The following FAM193A variants were observed in gnomAD, a reference collection of about 807,000 sequenced individuals.
The protein encoded by FAM193A is family with sequence similarity 193 member A.
In FAM193A, 22 loss-of-function variants were observed where a neutral mutation model predicts 126.5. The observed-to-expected ratio is 0.17, with a 90% CI of 0.12 to 0.25. FAM193A has a LOEUF of 0.25. FAM193A is among the 10% of genes least tolerant of loss of function. The probability of loss-of-function intolerance (pLI) is 1.00; values close to 1 mark genes in which losing one functional copy is unlikely to be tolerated. For synonymous variants in FAM193A, 761 were observed against 646.8 expected (o/e 1.18, Z -2.68); for missense variants, 1,675 against 1,672.8 (o/e 1.00, Z -0.02).
chr4:2,630,124 T>A (rs1421447619), intron 4 of FAM193A, among the ~76,000 whole-genome samples: 1 of 144,370 alleles, frequency 6.9e-6, no homozygotes, highest in Non-Finnish European at 1.5e-5. Context: ...AGAGTGAGAC[T>A]CCATCTCAAA....
chr4:2,621,656 G>A (rs1742552623), intron 2 of FAM193A, among the ~76,000 whole-genome samples: 1 of 152,194 alleles, frequency 6.6e-6, no homozygotes, highest in Non-Finnish European at 1.5e-5. Context: ...CAGTGCAGCT[G>A]TGCAGGCAAG....
rs1025181406 is a variant in FAM193A, at chr4:2,657,827, A to G, written c.1336A>G (p.Met446Val). The G allele has an allele frequency of 8.1e-6, 13 of 1,612,650 alleles. No individual in the cohort carries two copies. The African/African-American group carries it at 1.3e-4, about 17-fold the overall frequency. Residue 446 changes from methionine to valine, a missense_variant, in exon 8 of 21, where the codon ATG (methionine) becomes GTG (valine). Coordinates refer to ENST00000637812, the MANE Select transcript of FAM193A (RefSeq NM_001366318.2). The part of the protein sequence containing the change: ...EQMTMKTKQR[M>V]LTEDWELFKQ... ...GATGACAATGAAAACCAAGCAGCGC[A>G]TGTTAACAGAAGACTGGGAGCTTTT...
At chr4:2,680,586 C>T (rs1714991682) in intron 13 of FAM193A, among the ~76,000 whole-genome samples, 1 of 152,182 alleles carries the variant, frequency 6.6e-6, no homozygotes, top group Non-Finnish European at 1.5e-5. Flanking sequence ...GTCCTACTAC[C>T]TCAGCCTCCC....
At chr4:2,600,622 C>G (rs965762072) in intron 2 of FAM193A, among the ~76,000 whole-genome samples, 3 of 152,138 alleles carry the variant, frequency 2.0e-5, no homozygotes, top group Non-Finnish European at 2.9e-5. Context: ...GGGAGAAAAT[C>G]AAAGTTAACA....
intron 7 of FAM193A, 136 bp from the exon 8 acceptor site, chr4:2,657,667 A>G: frequency 3.3e-6 from 2 of 610,438 alleles, no homozygotes; most frequent in Non-Finnish European, 5.8e-6. Context: ...GTAGTATTGT[A>G]TCTTTATTCT....
At chr4:2,579,020 C>T (rs1739766754) in intron 1 of FAM193A, among the ~76,000 whole-genome samples, 1 of 151,908 alleles carries the variant, frequency 6.6e-6, no homozygotes, top group Non-Finnish European at 1.5e-5. Context: ...GGCTGGAATG[C>T]AGTGGCGTGA....
At chr4:2,618,470 C>T (rs1742337963) in intron 2 of FAM193A, among the ~76,000 whole-genome samples, 1 of 151,970 alleles carries the variant, frequency 6.6e-6, no homozygotes, top group South Asian at 2.1e-4. Flanking sequence ...CCCTGTCGCC[C>T]AGGCTGGAGT....
chr4:2,541,692 C>G (rs1737242652), intron 1 of FAM193A, among the ~76,000 whole-genome samples: 1 of 152,116 alleles, frequency 6.6e-6, no homozygotes, highest in Admixed American at 6.6e-5. Context: ...AATCCACCCA[C>G]CTTGGCCTCC....
At chr4:2,628,320 G>C in intron 4 of FAM193A, among the ~76,000 whole-genome samples, 1 of 152,162 alleles carries the variant, frequency 6.6e-6, no homozygotes. Flanking sequence ...CACTGGTATT[G>C]CATGAGGTCC....
At chr4:2,620,374 G>A (rs1226452567) in intron 2 of FAM193A, among the ~76,000 whole-genome samples, 2 of 152,098 alleles carry the variant, frequency 1.3e-5, no homozygotes, top group Admixed American at 6.6e-5. Context: ...TGGCTCTCAT[G>A]AACCATGAAT....
chr4:2,712,554 C>CT (rs1288233463), intron 19 of FAM193A, among the ~76,000 whole-genome samples: 1 of 152,126 alleles, frequency 6.6e-6, no homozygotes, highest in East Asian at 1.9e-4. Flanking sequence ...GTCCTTGGCC[C>CT]TTTGTTTCCA....
At chr4:2,573,168 G>A (rs1342071442) in intron 1 of FAM193A, among the ~76,000 whole-genome samples, 1 of 151,800 alleles carries the variant, frequency 6.6e-6, no homozygotes, top group East Asian at 1.9e-4. Flanking sequence ...TCCTGAATGT[G>A]CTCTACTCTC....
rs187454064 is a variant in FAM193A, at chr4:2,708,377, G to A, written c.4373-7646G>A. The A allele has an allele frequency of 2.3e-3, 366 of 162,232 alleles. 3 individuals are homozygous for A. The Middle Eastern group carries it at 0.037, about 16-fold the overall frequency. The allele number at this position is 162,232 out of a possible 1,614,324, so 10.0% of individuals were successfully genotyped here. A position where few individuals can be genotyped will look rare whatever the true frequency, so the allele number is the denominator to read the frequency against. On this transcript the variant is annotated intron_variant, in intron 19 of 20. Transcript: ENST00000637812. ...TGACCTCAGGTGATCCACCCATCTC[G>A]GCCTCCCAAAATGCTGGAATTACAG...
intron 4 of FAM193A, 111 bp from the exon 5 acceptor site, chr4:2,630,824 G>A: frequency 3.4e-5 from 21 of 622,782 alleles, no homozygotes; most frequent in Admixed American, 1.1e-4. Context: ...GTGACTGTGT[G>A]GTCATCTAGA....
chr4:2,672,222 T>G lies in FAM193A; in HGVS notation c.2181T>G (p.His727Gln). The change falls in exon 13 of 21, where the codon CAT becomes CAG. Residue 727 changes from histidine (H) to glutamine (Q), a missense_variant. His to Gln is a conservative substitution (Grantham distance 24). Coordinates refer to ENST00000637812, the MANE Select transcript of FAM193A (RefSeq NM_001366318.2). ...AMTAGALPPG[H>Q]QFLSPEKPTH... ...CAGCCGGAGCCCTTCCTCCTGGCCATCAGTTCTTGAGCCCAGAGAAGCCCA... is the reference window on the plus strand; with the variant it reads ...CAGCCGGAGCCCTTCCTCCTGGCCAGCAGTTCTTGAGCCCAGAGAAGCCCA... The G allele has an allele frequency of 6.2e-7, 1 of 1,614,210 alleles. No homozygotes were observed. Among genetic ancestry groups the G allele is most frequent in the Non-Finnish European group, 8.5e-7 (1 of 1,180,040 alleles).
intron 20 of FAM193A, among the ~76,000 whole-genome samples, chr4:2,726,282 T>TA (rs1720737513): frequency 6.6e-6 from 1 of 152,134 alleles, no homozygotes; most frequent in Non-Finnish European, 1.5e-5. Flanking sequence ...TCAAGTGATC[T>TA]ATCTGCCTCG....
chr4:2,631,071 G>T lies in FAM193A; in HGVS notation c.940G>T (p.Gly314Cys), dbSNP rs1175636069. The T allele has an allele frequency of 1.2e-6, 2 of 1,613,388 alleles. No individual in the cohort carries two copies. The highest frequency in any genetic ancestry group is 1.3e-5 in the African/African-American group (1 of 74,946). The part of the protein sequence containing the change: ...AKVKAPSGLQ[G>C]PPQAHQFISL... ...GGTGAAGGCACCATCTGGCCTGCAG[G>T]GCCCGCCGCAAGCGCACCAGTTCAT... The change falls in exon 5 of 21, where the codon GGC (glycine) becomes TGC (cysteine). Residue 314 changes from glycine (G) to cysteine (C), a missense_variant. Physicochemically the swap from Gly to Cys is radical, Grantham distance 159. Transcript: ENST00000637812.
rs139601991 is a variant in FAM193A at position 2,646,862 on chromosome 4, G to A, written c.1311+30G>A. On this transcript the variant is annotated intron_variant, in intron 7 of 20. Coordinates refer to ENST00000637812, the MANE Select transcript of FAM193A (RefSeq NM_001366318.2). ...GTGCCACCCGGGACCACCGCACCCCGCGCACATCCTCAGACGGCCCTGTTG... is the reference window on the plus strand; with the variant it reads ...GTGCCACCCGGGACCACCGCACCCCACGCACATCCTCAGACGGCCCTGTTG... 1.6e-4 allele frequency: 257 copies of A among 1,591,422 alleles called. No individual in the cohort carries two copies. In the African/African-American group the frequency reaches 2.8e-3, roughly 17 times the overall value.
intron 1 of FAM193A, among the ~76,000 whole-genome samples, chr4:2,538,772 A>G (rs1737046211): frequency 6.6e-6 from 1 of 152,116 alleles, no homozygotes; most frequent in African/African-American, 2.4e-5. Context: ...ATTTCTATTG[A>G]TTCAATAAAA....
Sources: allele counts gnomAD v4.1 joint callset (sites outside exome capture counted in the v4.1 genomes callset), GRCh38; gene constraint gnomAD v4.1.1; transcripts MANE v1.5; gene names NCBI Gene and HGNC (gene_info 2026-07-23, HGNC 2026-07-21).